Variants in ERBB4 observed in about 807,000 individuals in gnomAD.
ERBB4 encodes the protein receptor tyrosine-protein kinase erbB-4.
Under a neutral mutation model 158.0 loss-of-function variants are expected in ERBB4, and 42 were observed. The ratio of observed to expected loss-of-function variants is 0.27; its 90% confidence interval spans 0.21 to 0.34. The LOEUF (loss-of-function observed/expected upper bound fraction) is 0.34. Among genes scored for constraint, ERBB4 ranks in the 10% least tolerant of loss-of-function variants. The pLI, the probability that ERBB4 is intolerant of heterozygous loss-of-function variation, is 1.00. For missense variants in ERBB4, 1,333 were observed against 1,624.1 expected (o/e 0.82, Z 3.08); for synonymous variants, 583 against 558.7 (o/e 1.04, Z -0.61).
chr2:212,320,034 T>C (rs897730715), intron 1 of ERBB4, among the ~76,000 whole-genome samples: 1 of 149,990 alleles, frequency 6.7e-6, no homozygotes, highest in Non-Finnish European at 1.5e-5. Flanking sequence ...CCCAAAGCAG[T>C]TGTTTCTGAA....
chr2:211,690,025 C>T (rs1407978451), intron 12 of ERBB4, among the ~76,000 whole-genome samples: 3 of 148,012 alleles, frequency 2.0e-5, no homozygotes, highest in Admixed American at 6.8e-5. Flanking sequence ...TATATATATA[C>T]ACTTTATAGA....
chr2:211,964,811 A>G (rs2081269112), intron 2 of ERBB4, among the ~76,000 whole-genome samples: 1 of 152,090 alleles, frequency 6.6e-6, no homozygotes, highest in Non-Finnish European at 1.5e-5. Context: ...TACTCAAATA[A>G]ATTTCTGCTA....
At chr2:212,532,983 A>G (rs1036474608) in intron 1 of ERBB4, among the ~76,000 whole-genome samples, 6 of 152,236 alleles carry the variant, frequency 3.9e-5, no homozygotes, top group Non-Finnish European at 4.4e-5. Context: ...TTTAAGTATC[A>G]AGTGTGAAAA....
At chr2:211,983,434 A>G (rs566788893) in intron 2 of ERBB4, among the ~76,000 whole-genome samples, 2 of 152,352 alleles carry the variant, frequency 1.3e-5, no homozygotes, top group South Asian at 4.1e-4. Context: ...TGTATTTTCA[A>G]TAAGATCATT....
chr2:212,166,701 G>A (rs867447971), intron 1 of ERBB4, among the ~76,000 whole-genome samples: 9 of 152,078 alleles, frequency 5.9e-5, no homozygotes, highest in Middle Eastern at 3.4e-3. Flanking sequence ...TATGCTACAA[G>A]GCTACAGTAA....
intron 1 of ERBB4, among the ~76,000 whole-genome samples, chr2:212,171,956 A>C (rs1201222488): frequency 6.6e-6 from 1 of 152,184 alleles, no homozygotes; most frequent in African/African-American, 2.4e-5. Context: ...TGCACAGCCA[A>C]AGAAACTATC....
At chr2:211,570,310 C>T (rs1259897419) in intron 19 of ERBB4, among the ~76,000 whole-genome samples, 4 of 128,256 alleles carry the variant, frequency 3.1e-5, no homozygotes, top group South Asian at 2.6e-4. Context: ...CGCCACCACA[C>T]TTGGCTAATT....
intron 2 of ERBB4, among the ~76,000 whole-genome samples, chr2:211,995,688 T>G (rs1212189216): frequency 6.6e-6 from 1 of 152,166 alleles, no homozygotes; most frequent in Non-Finnish European, 1.5e-5. Flanking sequence ...ACTGCTTGTA[T>G]CTCAGGTACA....
intron 4 of ERBB4, among the ~76,000 whole-genome samples, chr2:211,780,292 C>T (rs1416287771): frequency 2.6e-5 from 4 of 152,142 alleles, no homozygotes; most frequent in African/African-American, 4.8e-5. Flanking sequence ...TGAACCCAAG[C>T]GGTCGAGGCT....
intron 1 of ERBB4, among the ~76,000 whole-genome samples, chr2:212,259,959 C>T (rs1329705568): frequency 6.6e-6 from 1 of 151,806 alleles, no homozygotes; most frequent in Admixed American, 6.6e-5. Context: ...ATCCCAGCTA[C>T]TCAAGAGGCT....
In ERBB4 at chr2:211,679,230, C is replaced by T. The variant is rs556701762; in HGVS notation, c.1490-46G>A. On this transcript the variant is annotated intron_variant, in intron 12 of 27. Coordinates refer to ENST00000342788, the MANE Select transcript of ERBB4 (RefSeq NM_005235.3). ...GGGGAAATAAAACAGAGGATTGTGTCAAAACTTAAAATCTTCCTAGGTAAT... is the reference window on the plus strand; with the variant it reads ...GGGGAAATAAAACAGAGGATTGTGTTAAAACTTAAAATCTTCCTAGGTAAT... 1.1e-5 allele frequency: 18 copies of T among 1,606,270 alleles called. No homozygotes were observed. In the African/African-American group the frequency reaches 2.3e-4, roughly 20 times the overall value.
intron 20 of ERBB4, among the ~76,000 whole-genome samples, chr2:211,491,061 T>C (rs1020029131): frequency 3.3e-5 from 5 of 152,080 alleles, no homozygotes; most frequent in African/African-American, 1.2e-4. Flanking sequence ...CCTGTGGGAT[T>C]TGTGAAGTCT....
chr2:211,852,737 T>C (rs2077750925), intron 3 of ERBB4, among the ~76,000 whole-genome samples: 1 of 151,602 alleles, frequency 6.6e-6, no homozygotes, highest in Admixed American at 6.6e-5. Context: ...TTTATTTAGT[T>C]TGTCTAAATA....
intron 3 of ERBB4, among the ~76,000 whole-genome samples, chr2:211,944,843 G>A (rs529985581): frequency 1.3e-5 from 2 of 152,166 alleles, no homozygotes; most frequent in African/African-American, 2.4e-5. Flanking sequence ...GTTCCTGGAT[G>A]ATGCTCATGG....
intron 1 of ERBB4, among the ~76,000 whole-genome samples, chr2:212,157,186 C>T (rs1004555798): frequency 6.6e-6 from 1 of 152,002 alleles, no homozygotes. Flanking sequence ...CATATACTGA[C>T]GTTTTCCCCA....
chr2:212,093,697 T>G (rs13025503), intron 2 of ERBB4, among the ~76,000 whole-genome samples: 206 of 152,338 alleles, frequency 1.4e-3, no homozygotes, highest in Middle Eastern at 6.8e-3. Context: ...TCTCACCTTG[T>G]GGTGTTATAA....
chr2:211,587,525 A>G (rs912609627), intron 19 of ERBB4, among the ~76,000 whole-genome samples: 1 of 152,196 alleles, frequency 6.6e-6, no homozygotes, highest in East Asian at 1.9e-4. Flanking sequence ...ACCAGAAGCC[A>G]GAAGAGGCAA....
chr2:211,733,461 T>TAAAAAA, intron 5 of ERBB4, among the ~76,000 whole-genome samples: 1 of 147,532 alleles, frequency 6.8e-6, no homozygotes, highest in African/African-American at 2.7e-5. Flanking sequence ...CCATAGTATT[T>TAAAAAA]TTAAGAATAT....
chr2:212,424,250 T>C (rs1486483855), intron 1 of ERBB4, among the ~76,000 whole-genome samples: 4 of 152,092 alleles, frequency 2.6e-5, no homozygotes, highest in Non-Finnish European at 5.9e-5. Context: ...TTCAGACTGA[T>C]GAGTCATTAA....
Sources: allele counts gnomAD v4.1 joint callset (sites outside exome capture counted in the v4.1 genomes callset), GRCh38; gene constraint gnomAD v4.1.1; transcripts MANE v1.5; gene names NCBI Gene and HGNC (gene_info 2026-07-23, HGNC 2026-07-21).